Variants in C8orf34 observed in about 807,000 individuals in gnomAD.
C8orf34 encodes chromosome 8 open reading frame 34, also known as uncharacterized protein C8orf34.
In C8orf34, 65 loss-of-function variants were observed where a neutral mutation model predicts 68.3. The ratio of observed to expected loss-of-function variants is 0.95; its 90% CI spans 0.78 to 1.17. C8orf34 has a LOEUF of 1.17. Among genes scored for constraint, C8orf34 ranks in the 50% most tolerant of loss-of-function variants. The pLI, the probability that C8orf34 is intolerant of heterozygous loss-of-function variation, is 0.00. For synonymous variants in C8orf34, 244 were observed against 241.2 expected, an observed-to-expected ratio of 1.01 and a Z score of -0.11; for missense variants, 664 against 655.4, an observed-to-expected ratio of 1.01 and a Z score of -0.14.
intron 8 of C8orf34, among the ~76,000 whole-genome samples, chr8:68,705,101 G>A (rs1344799727): frequency 3.3e-5 from 5 of 152,166 alleles, no homozygotes; most frequent in Non-Finnish European, 5.9e-5. Context: ...TGTGCAATGA[G>A]AGGCAGAGTG....
intron 1 of C8orf34, among the ~76,000 whole-genome samples, chr8:68,333,779 T>A (rs1585930758): frequency 6.6e-6 from 1 of 152,324 alleles, no homozygotes; most frequent in East Asian, 1.9e-4. Flanking sequence ...TTTGAGAAAC[T>A]GAGCTAAAAT....
At position 68,584,289 on chromosome 8, in the gene C8orf34, C is replaced by T. The variant is rs146865131; in HGVS notation, c.1105+51140C>T. Among the ~76,000 whole-genome samples, 441 of 152,028 alleles carry T rather than the reference C, an allele frequency of 2.9e-3. 6 individuals carry two copies. The highest frequency in any genetic ancestry group is 0.028 in the East Asian group (144 of 5,152). ...TGCAAAAAGCCCTCCATCCTGATAG[C>T]GTTCTCTGAGAAAAAAAAAGTTGGA... On this transcript the variant is annotated intron_variant, in intron 7 of 13. Coordinates refer to ENST00000518698, the MANE Select transcript of C8orf34 (RefSeq NM_052958.4).
chr8:68,791,040 A>T, intron 12 of C8orf34: 1 of 589,510 alleles, frequency 1.7e-6, no homozygotes, highest in East Asian at 2.8e-5. Flanking sequence ...GTGAGTCTGG[A>T]GAAAAAGGAA....
At chr8:68,357,968 C>T (rs945615610) in intron 1 of C8orf34, among the ~76,000 whole-genome samples, 1 of 152,184 alleles carries the variant, frequency 6.6e-6, no homozygotes, top group African/African-American at 2.4e-5. Flanking sequence ...TTTATACCCC[C>T]ATTCTTTTTC....
At chr8:68,519,213 CAACTT>C (rs1458441154) in intron 5 of C8orf34, among the ~76,000 whole-genome samples, 1 of 152,130 alleles carries the variant, frequency 6.6e-6, no homozygotes, top group Non-Finnish European at 1.5e-5. Context: ...TGCTCATTGT[CAACTT>C]AATTGTAAAC....
intron 4 of C8orf34, among the ~76,000 whole-genome samples, chr8:68,471,214 A>G (rs1213292506): frequency 6.6e-6 from 1 of 152,092 alleles, no homozygotes. Flanking sequence ...GTTTTAGGGT[A>G]TTCTGGTGGG....
chr8:68,561,870 C>T lies in C8orf34; in HGVS notation c.1105+28721C>T, dbSNP rs181070051. Among the ~76,000 whole-genome samples, 4 of 152,290 alleles carry T rather than the reference C, an allele frequency of 2.6e-5. 1 individual carries two copies. Among genetic ancestry groups the T allele is most frequent in the Admixed American group, 2.0e-4 (3 of 15,294 alleles). Reference sequence around the variant, plus strand: ...TCAGCATCATCAATGTCACTTTCTTCCACCTCCACATCTTGTCCCACTGGA... The same window carrying T: ...TCAGCATCATCAATGTCACTTTCTTTCACCTCCACATCTTGTCCCACTGGA... On this transcript the variant is annotated intron_variant, in intron 7 of 13. Coordinates refer to ENST00000518698, the MANE Select transcript of C8orf34 (RefSeq NM_052958.4).
chr8:68,706,745 G>A (rs1186956781), intron 8 of C8orf34, among the ~76,000 whole-genome samples: 2 of 152,094 alleles, frequency 1.3e-5, no homozygotes, highest in African/African-American at 4.8e-5. Flanking sequence ...AAATCACTCA[G>A]GATAAAAATA....
At chr8:68,645,694 C>T (rs879550509) in intron 8 of C8orf34, among the ~76,000 whole-genome samples, 1 of 152,090 alleles carries the variant, frequency 6.6e-6, no homozygotes, top group Non-Finnish European at 1.5e-5. Context: ...TATTATCAAC[C>T]GTCTTGATAT....
At chr8:68,526,686 CAA>C (rs370357862) in intron 6 of C8orf34, among the ~76,000 whole-genome samples, 53 of 133,110 alleles carry the variant, frequency 4.0e-4, no homozygotes, top group Admixed American at 4.5e-4. Flanking sequence ...TGACTGGAGT[CAA>C]AAAAAAAAAA....
At chr8:68,629,369 C>T (rs932296019) in intron 7 of C8orf34, among the ~76,000 whole-genome samples, 1 of 152,170 alleles carries the variant, frequency 6.6e-6, no homozygotes. Flanking sequence ...ATGGCACATT[C>T]AGTTGTTCAC....
intron 6 of C8orf34, chr8:68,525,706 C>G: frequency 1.5e-6 from 1 of 654,458 alleles, no homozygotes; most frequent in South Asian, 1.4e-5. Context: ...ATTTGTTTAG[C>G]CTGCCTGTGA....
At chr8:68,435,470 A>C (rs1810625563) in intron 1 of C8orf34, among the ~76,000 whole-genome samples, 1 of 152,134 alleles carries the variant, frequency 6.6e-6, no homozygotes, top group South Asian at 2.1e-4. Context: ...GCAGGGAAGC[A>C]TGTGGTTCTC....
Position 68,372,902 on chromosome 8 carries a change from G to A in C8orf34, c.327+41563G>A, listed in dbSNP as rs557729382. The stretch of plus-strand genomic sequence containing the variant: ...CAGGAAGTCAGCTGACAAAGGAAAT[G>A]AACGTGCAGAGTACCAGCCCCTTCC... On this transcript the variant is annotated intron_variant, in intron 1 of 13. Transcript: ENST00000518698. Among the ~76,000 whole-genome samples, 13 of 152,324 alleles carry A rather than the reference G, an allele frequency of 8.5e-5. No homozygotes were observed. The South Asian group carries it at 1.9e-3, about 22-fold the overall frequency.
At chr8:68,492,792 C>T (rs182255862) in intron 5 of C8orf34, among the ~76,000 whole-genome samples, 6 of 152,088 alleles carry the variant, frequency 3.9e-5, no homozygotes, top group South Asian at 4.2e-4. Flanking sequence ...GCTCACCCAC[C>T]GAGATCCTTT....
chr8:68,470,565 G>A (rs1021547464), intron 4 of C8orf34, among the ~76,000 whole-genome samples: 3 of 152,072 alleles, frequency 2.0e-5, no homozygotes, highest in African/African-American at 4.8e-5. Flanking sequence ...GGCCTTCCAG[G>A]TTGTCTTACC....
intron 7 of C8orf34, among the ~76,000 whole-genome samples, chr8:68,559,932 C>T (rs1816370702): frequency 6.6e-6 from 1 of 152,076 alleles, no homozygotes; most frequent in South Asian, 2.1e-4. Flanking sequence ...CAAGTAGGTA[C>T]AGAGAGGAAC....
At chr8:68,687,841 G>T (rs546096204) in intron 8 of C8orf34, among the ~76,000 whole-genome samples, 6 of 151,980 alleles carry the variant, frequency 3.9e-5, no homozygotes, top group Non-Finnish European at 8.8e-5. Context: ...ACAGAATAGA[G>T]AAAATATTCA....
chr8:68,331,097 G>C lies in C8orf34; in HGVS notation c.85G>C (p.Ala29Pro). Residue 29 changes from alanine (A) to proline (P), a missense_variant, in exon 1 of 14, where the codon GCT (alanine) becomes CCT (proline). Transcript: ENST00000518698. Reference protein sequence around the residue: ...FRLSAPHARVAPRAATHARGR... With the variant: ...FRLSAPHARVPPRAATHARGR... ...GCTCTCAGCGCCCCACGCGCGCGTG[G>C]CTCCCCGGGCTGCCACCCACGCCCG... The C allele has an allele frequency of 1.3e-6, 2 of 1,487,432 alleles. No homozygotes were observed. Among genetic ancestry groups the C allele is most frequent in the South Asian group, 2.6e-5 (2 of 77,244 alleles). The allele number at this position is 1,487,432 out of a possible 1,614,324, so 92.1% of individuals were successfully genotyped here.
Sources: gnomAD v4.1 joint callset for allele counts (sites outside exome capture counted in the v4.1 genomes callset) on GRCh38, gnomAD v4.1.1 for gene constraint, MANE v1.5 for transcripts, NCBI Gene and HGNC (gene_info 2026-07-23, HGNC 2026-07-21) for gene names.